The following BCL2 variants were observed in gnomAD, a reference collection of about 807,000 sequenced individuals.
BCL2 encodes apoptosis regulator Bcl-2.
In BCL2, 1 loss-of-function variant was observed where a neutral mutation model predicts 14.2. The observed-to-expected ratio is 0.07, with a 90% CI of 0.02 to 0.33. The LOEUF is 0.33. Among genes scored for constraint, BCL2 ranks in the 10% least tolerant of loss-of-function variants. BCL2 has a pLI of 0.99. For missense variants in BCL2, 247 were observed against 305.9 expected, an observed-to-expected ratio of 0.81 and a Z score of 1.44; for synonymous variants, 151 against 137.2, an observed-to-expected ratio of 1.10 and a Z score of -0.70.
chr18:63,272,866 A>G (rs183930848), intron 2 of BCL2, among the ~76,000 whole-genome samples: 3 of 152,330 alleles, frequency 2.0e-5, no homozygotes, highest in Admixed American at 6.5e-5. Flanking sequence ...GTCTGAGGAT[A>G]TTTTTAAATA....
chr18:63,194,565 T>G (rs1053085393), intron 2 of BCL2, among the ~76,000 whole-genome samples: 2 of 152,108 alleles, frequency 1.3e-5, no homozygotes, highest in African/African-American at 4.8e-5. Flanking sequence ...ATATAGTGAT[T>G]ATTATAGTAT....
chr18:63,139,328 T>G (rs1914296379), intron 2 of BCL2, among the ~76,000 whole-genome samples: 1 of 152,242 alleles, frequency 6.6e-6, no homozygotes, highest in Non-Finnish European at 1.5e-5. Flanking sequence ...TTCACCAGGT[T>G]AGTGTAATAA....
intron 2 of BCL2, among the ~76,000 whole-genome samples, chr18:63,193,644 A>C: frequency 6.6e-6 from 1 of 150,946 alleles, no homozygotes; most frequent in Admixed American, 6.6e-5. Context: ...ACACACACAC[A>C]TATATATACA....
At chr18:63,243,162 G>A (rs1048324182) in intron 2 of BCL2, among the ~76,000 whole-genome samples, 9 of 152,170 alleles carry the variant, frequency 5.9e-5, no homozygotes, top group African/African-American at 2.2e-4. Context: ...ACCATGGAAT[G>A]AATACTTACT....
chr18:63,125,992 C>T lies in BCL2; in HGVS notation c.*2633G>A, dbSNP rs1049764241. ...GACAAAACAGGCTTTATATTAAAAA[C>T]GTCCACGTTCTTCATTGTTACTTCT... On this transcript the variant is annotated 3_prime_UTR_variant, in exon 3 of 3. Coordinates refer to ENST00000333681, the MANE Select transcript of BCL2 (RefSeq NM_000633.3). 2.3e-5 allele frequency: 5 copies of T among 215,000 alleles called. No individual in the cohort carries two copies. The highest frequency in any genetic ancestry group is 6.8e-5 in the East Asian group (1 of 14,662). 13.3% of individuals were successfully genotyped at this position (215,000 alleles called of 1,614,324 possible).
intron 2 of BCL2, among the ~76,000 whole-genome samples, chr18:63,257,258 G>A (rs1046558589): frequency 6.6e-6 from 1 of 152,174 alleles, no homozygotes; most frequent in Non-Finnish European, 1.5e-5. Flanking sequence ...CGGCTACTGT[G>A]TCATGTGATC....
At chr18:63,226,161 C>T (rs1034074033) in intron 2 of BCL2, among the ~76,000 whole-genome samples, 1 of 152,198 alleles carries the variant, frequency 6.6e-6, no homozygotes, top group Non-Finnish European at 1.5e-5. Flanking sequence ...CAAACTGTCC[C>T]TCTGAACTCA....
At chr18:63,133,635 AAAGGTCAG>A (rs1290814933) in intron 2 of BCL2, among the ~76,000 whole-genome samples, 1 of 152,018 alleles carries the variant, frequency 6.6e-6, no homozygotes, top group Non-Finnish European at 1.5e-5. Context: ...TTTTTTTAAA[AAAGGTCAG>A]ATTGTCAAGA....
At chr18:63,144,882 C>T (rs939733493) in intron 2 of BCL2, among the ~76,000 whole-genome samples, 1 of 152,182 alleles carries the variant, frequency 6.6e-6, no homozygotes, top group South Asian at 2.1e-4. Flanking sequence ...CCCCCGCCCC[C>T]GCCGCCCTGG....
In BCL2 at chr18:63,243,756, G is replaced by GA. The variant is rs573765482; in HGVS notation, c.585+74325dup. Among the ~76,000 whole-genome samples the GA allele has an allele frequency of 6.6e-3, 1,011 of 152,196 alleles. 7 individuals carry two copies. Among genetic ancestry groups the GA allele is most frequent in the African/African-American group, 0.023 (953 of 41,530 alleles). On this transcript the variant is annotated intron_variant, in intron 2 of 2. Transcript: ENST00000333681. The stretch of plus-strand genomic sequence containing the variant: ...CAGAACACAAACCAATGGCTCAAGA[G>GA]AAAAAATATGAATAAGTCAAGGGAC...
chr18:63,266,583 C>T lies in BCL2; in HGVS notation c.585+51499G>A, dbSNP rs545835693. Among the ~76,000 whole-genome samples the T allele has an allele frequency of 4.0e-5, 6 of 150,084 alleles. No homozygotes were observed. In the East Asian group the frequency reaches 7.8e-4, roughly 20 times the overall value. The stretch of plus-strand genomic sequence containing the variant: ...ATATTAAATATACAGATGACAAACC[C>T]GGAACCAATTTGGAACATAAATCTC... On this transcript the variant is annotated intron_variant, in intron 2 of 2. Coordinates refer to ENST00000333681, the MANE Select transcript of BCL2 (RefSeq NM_000633.3).
At chr18:63,311,581 G>C (rs1211344486) in intron 2 of BCL2, among the ~76,000 whole-genome samples, 1 of 152,166 alleles carries the variant, frequency 6.6e-6, no homozygotes, top group Non-Finnish European at 1.5e-5. Context: ...TCAGTCATCA[G>C]TTTCTGACTC....
chr18:63,282,738 T>C (rs114188725), intron 2 of BCL2, among the ~76,000 whole-genome samples: 1,735 of 152,302 alleles, frequency 0.011, 27 homozygotes, highest in African/African-American at 0.04. Context: ...TATGTCAAAA[T>C]ATAGGCCCTG....
At chr18:63,317,407 T>C (rs1913531719) in intron 2 of BCL2, 1 of 364,088 alleles carries the variant, frequency 2.7e-6, no homozygotes, top group African/African-American at 2.2e-5. Context: ...CTGATACTCC[T>C]CAGGACACCT....
At chr18:63,305,905 C>CA (rs997637273) in intron 2 of BCL2, among the ~76,000 whole-genome samples, 6 of 151,658 alleles carry the variant, frequency 4.0e-5, no homozygotes, top group African/African-American at 7.3e-5. Flanking sequence ...GATCCTGTCG[C>CA]AAAAAAAGAT....
intron 2 of BCL2, among the ~76,000 whole-genome samples, chr18:63,257,935 G>A (rs545255700): frequency 3.7e-5 from 5 of 136,208 alleles, no homozygotes; most frequent in East Asian, 2.3e-4. Context: ...GTTATGGGTC[G>A]AATTATGTCC....
rs745609712 is a variant in BCL2, at chr18:63,127,827, A to G, written c.*798T>C. The G allele has an allele frequency of 2.7e-5, 6 of 225,068 alleles. No individual in the cohort carries two copies. Among genetic ancestry groups the G allele is most frequent in the Non-Finnish European group, 5.3e-5 (6 of 112,652 alleles). 13.9% of individuals were successfully genotyped at this position (225,068 alleles called of 1,614,324 possible). ...GGGTGCGTATCCAAAATATATGAAT[A>G]TACACAATCAGGGCTTAAGGTACTG... is the stretch of plus-strand genomic sequence containing the variant. On this transcript the variant is annotated 3_prime_UTR_variant, in exon 3 of 3. Transcript: ENST00000333681.
At chr18:63,258,698 G>A (rs1483800740) in intron 2 of BCL2, among the ~76,000 whole-genome samples, 1 of 152,220 alleles carries the variant, frequency 6.6e-6, no homozygotes. Context: ...GGGGAGCAGA[G>A]CCGAGTTGGG....
At position 63,201,798 on chromosome 18, in the gene BCL2, G is replaced by C. The variant is rs568433604; in HGVS notation, c.586-73039C>G. Among the ~76,000 whole-genome samples, 3 of 152,018 alleles carry C rather than the reference G, an allele frequency of 2.0e-5. No homozygotes were observed. The East Asian group carries it at 5.8e-4, about 29-fold the overall frequency. On this transcript the variant is annotated intron_variant, in intron 2 of 2. Coordinates refer to ENST00000333681, the MANE Select transcript of BCL2 (RefSeq NM_000633.3). The stretch of plus-strand genomic sequence containing the variant: ...ACAATGAGAACAACATGAACCTAGG[G>C]AGGAGAACATCACACACTGGGGCCT...
Sources: allele counts gnomAD v4.1 joint callset (sites outside exome capture counted in the v4.1 genomes callset), GRCh38; gene constraint gnomAD v4.1.1; transcripts MANE v1.5; gene names NCBI Gene and HGNC (gene_info 2026-07-23, HGNC 2026-07-21).